ATP2B2: variants seen among roughly 807,000 people sequenced by gnomAD.
ATP2B2 encodes ATPase plasma membrane Ca2+ transporting 2.
ATP2B2 carries 15 observed loss-of-function variants against 120.0 expected under a neutral mutation model. The observed-to-expected ratio is 0.12, with a 90% confidence interval of 0.08 to 0.19. The LOEUF (loss-of-function observed/expected upper bound fraction) is 0.19. Among genes scored for constraint, ATP2B2 ranks in the 10% least tolerant of loss-of-function variants. The pLI is 1.00. For synonymous variants in ATP2B2, 694 were observed against 700.3 expected, an observed-to-expected ratio of 0.99 and a Z score of 0.14; for missense variants, 1,045 against 1,719.8, an observed-to-expected ratio of 0.61 and a Z score of 6.94.
intron 2 of ATP2B2, among the ~76,000 whole-genome samples, chr3:10,427,547 C>T (rs548090408): frequency 6.6e-6 from 1 of 152,194 alleles, no homozygotes. Flanking sequence ...CATTCATTCC[C>T]CTTCCTTTTC....
chr3:10,343,080 G>T lies in ATP2B2; in HGVS notation c.2704-115C>A, dbSNP rs1205733887. ...CCTGCTGGAGGCTGGAGTCCGACCT[G>T]CCCCTTGGCTCCCCAGCAGGCATGG... On this transcript the variant is annotated intron_variant, in intron 18 of 22. Coordinates refer to ENST00000360273, the MANE Select transcript of ATP2B2 (RefSeq NM_001001331.4). The surrounding 1 kb of genome is among the most constrained non-coding windows in gnomAD (Gnocchi z 4.2). The T allele has an allele frequency of 3.8e-6, 4 of 1,060,064 alleles. No homozygotes were observed. The highest frequency in any genetic ancestry group is 3.1e-5 in the African/African-American group (2 of 64,274). 65.7% of individuals were successfully genotyped at this position (1,060,064 alleles called of 1,614,324 possible). A position where few individuals can be genotyped will look rare whatever the true frequency, so the allele number is the denominator to read the frequency against.
chr3:10,578,621 A>C lies in ATP2B2; in HGVS notation c.-415+41296T>G, dbSNP rs560584328. 1.1e-4 allele frequency among the ~76,000 whole-genome samples: 17 copies of C among 152,246 alleles called. No homozygotes were observed. The East Asian group carries it at 3.3e-3, about 29-fold the overall frequency. ...GACTTATACACAGATATTCATAGAG[A>C]CTTAATTCACTATAGCTTAAGACTG... On this transcript the variant is annotated intron_variant, in intron 2 of 21. Coordinates refer to the ATP2B2 transcript ENST00000646379.
intron 14 of ATP2B2, among the ~76,000 whole-genome samples, chr3:10,351,295 G>A (rs950642037): frequency 2.1e-5 from 3 of 142,492 alleles, no homozygotes; most frequent in Admixed American, 1.4e-4. Context: ...GGGTTTCCCC[G>A]AGGAAACCAG....
At chr3:10,693,081 C>T (rs1386663614) in intron 1 of ATP2B2, among the ~76,000 whole-genome samples, 2 of 152,168 alleles carry the variant, frequency 1.3e-5, no homozygotes, top group Non-Finnish European at 2.9e-5. Context: ...TGAGATAATG[C>T]AGGAAGGCCT....
chr3:10,676,793 C>A (rs1044199881), intron 1 of ATP2B2, among the ~76,000 whole-genome samples: 22 of 152,180 alleles, frequency 1.4e-4, no homozygotes, highest in African/African-American at 5.1e-4. Flanking sequence ...TGAAACTACA[C>A]CTGAATCCAA....
At chr3:10,427,062 A>G (rs1196763117) in intron 2 of ATP2B2, among the ~76,000 whole-genome samples, 1 of 152,232 alleles carries the variant, frequency 6.6e-6, no homozygotes, top group Non-Finnish European at 1.5e-5. Flanking sequence ...ACTGTGGTTT[A>G]GGGAGGTTAG....
chr3:10,424,607 T>C (rs1559321372), intron 2 of ATP2B2, among the ~76,000 whole-genome samples: 1 of 152,230 alleles, frequency 6.6e-6, no homozygotes, highest in Non-Finnish European at 1.5e-5. Context: ...CCACAAGTCC[T>C]TCAAAAGCTA....
rs1575433090 is a variant in ATP2B2 at position 10,505,504 on chromosome 3, G to T, written c.-359C>A. ...CACCACCAATCCTGCACGGTTTCCC[G>T]GCGGGCAGCCCCGTAATCGCGGTGC... On this transcript the variant is annotated 5_prime_UTR_variant, in exon 1 of 23. Coordinates refer to ENST00000360273, the MANE Select transcript of ATP2B2 (RefSeq NM_001001331.4). The T allele has an allele frequency of 6.6e-6, 1 of 151,046 alleles. No homozygotes were observed. Among genetic ancestry groups the T allele is most frequent in the South Asian group, 2.1e-4 (1 of 4,690 alleles). The allele number at this position is 151,046 out of a possible 1,614,324, so 9.4% of individuals were successfully genotyped here.
At chr3:10,350,243 G>A (rs1193316432) in intron 15 of ATP2B2, 44 bp from the exon 16 acceptor site, 3 of 1,583,380 alleles carry the variant, frequency 1.9e-6, no homozygotes, top group African/African-American at 2.7e-5. Flanking sequence ...GGGTCGGGGA[G>A]AGAAACTGAG....
At chr3:10,385,400 C>A (rs2061647098) in intron 7 of ATP2B2, 73 bp from the exon 8 acceptor site, 3 of 1,339,648 alleles carry the variant, frequency 2.2e-6, no homozygotes, top group Non-Finnish European at 3.2e-6. Context: ...AGACATGAAC[C>A]AACTTGTGGG....
chr3:10,688,874 T>C (rs867482236), intron 1 of ATP2B2, among the ~76,000 whole-genome samples: 2 of 152,126 alleles, frequency 1.3e-5, no homozygotes, highest in African/African-American at 4.8e-5. Context: ...TAGGGTGGCC[T>C]TCGGTTGAAA....
At chr3:10,571,488 G>A (rs958855989) in intron 2 of ATP2B2, among the ~76,000 whole-genome samples, 1 of 152,230 alleles carries the variant, frequency 6.6e-6, no homozygotes. Flanking sequence ...AGAAGCCTGG[G>A]CCGTTTCCAT....
At chr3:10,612,208 C>T (rs1455943453) in intron 2 of ATP2B2, among the ~76,000 whole-genome samples, 1 of 152,182 alleles carries the variant, frequency 6.6e-6, no homozygotes, top group Non-Finnish European at 1.5e-5. Context: ...CCCCAGGTCC[C>T]CAGCCCCTCT....
intron 1 of ATP2B2, among the ~76,000 whole-genome samples, chr3:10,688,472 T>C (rs1039543360): frequency 6.6e-6 from 1 of 152,206 alleles, no homozygotes; most frequent in East Asian, 1.9e-4. Context: ...GGCTTTTGCC[T>C]CTAATTCCTG....
At chr3:10,433,797 A>G (rs2063395404) in intron 2 of ATP2B2, among the ~76,000 whole-genome samples, 1 of 152,204 alleles carries the variant, frequency 6.6e-6, no homozygotes, top group African/African-American at 2.4e-5. Flanking sequence ...CACCTCCACA[A>G]GGAAGCCTGT....
At chr3:10,437,624 T>A (rs1037744001) in intron 2 of ATP2B2, among the ~76,000 whole-genome samples, 2 of 152,232 alleles carry the variant, frequency 1.3e-5, no homozygotes, top group African/African-American at 4.8e-5. Context: ...CCTGTTCATG[T>A]CCCCACTTTA....
In ATP2B2 at chr3:10,338,133, G is replaced by GT. The variant is rs749102367; in HGVS notation, c.3420+42_3420+43insA. On this transcript the variant is annotated intron_variant, in intron 22 of 22. Coordinates refer to ENST00000360273, the MANE Select transcript of ATP2B2 (RefSeq NM_001001331.4). The stretch of plus-strand genomic sequence containing the variant: ...CACACTCACCTCCATCCCCTGGCCC[G>GT]CCCCGGCCAGGCCTGGGCCCAGCCC... 1.9e-6 allele frequency: 3 copies of GT among 1,611,436 alleles called. No homozygotes were observed. In the South Asian group the frequency reaches 3.3e-5, roughly 18 times the overall value.
At chr3:10,641,894 T>TCACCCATCCATCCATCATC (rs2070181402) in intron 1 of ATP2B2, among the ~76,000 whole-genome samples, 1 of 151,746 alleles carries the variant, frequency 6.6e-6, no homozygotes, top group Non-Finnish European at 1.5e-5. Context: ...ATCCATCCAT[T>TCACCCATCCATCCATCATC]CACCCATCCA....
chr3:10,632,424 G>A (rs1251885108), intron 1 of ATP2B2, among the ~76,000 whole-genome samples: 2 of 152,186 alleles, frequency 1.3e-5, no homozygotes, highest in Non-Finnish European at 2.9e-5. Context: ...GGGCCTTTAC[G>A]TGTTACAGTT....
Sources: allele counts gnomAD v4.1 joint callset (sites outside exome capture counted in the v4.1 genomes callset), GRCh38; gene constraint gnomAD v4.1.1; non-coding constraint Gnocchi (gnomAD v3.1); transcripts MANE v1.5; gene names NCBI Gene and HGNC (gene_info 2026-07-23, HGNC 2026-07-21).